The following TMEM272 variants were observed in gnomAD, a reference collection of about 807,000 sequenced individuals.
TMEM272 encodes the protein long intergenic non-protein coding RNA 282.
A neutral mutation model predicts 3.7 loss-of-function variants in TMEM272; 8 were observed. The ratio of observed to expected loss-of-function variants is 2.17; its 90% CI spans 1.27 to 3.91. The LOEUF is 3.91. TMEM272 is among the 30% of genes most tolerant of loss of function. The probability of loss-of-function intolerance (pLI) is 0.00; values close to 1 mark genes in which losing one functional copy is unlikely to be tolerated. For synonymous variants in TMEM272, 63 were observed against 39.8 expected, an observed-to-expected ratio of 1.58 and a Z score of -2.20; for missense variants, 166 against 91.5, an observed-to-expected ratio of 1.81 and a Z score of -3.32.
At chr13:51,932,970 G>A in the TMEM272 span, 10 of 152,182 alleles carry the variant, frequency 6.6e-5, no homozygotes, top group African/African-American at 1.7e-4. Context: ...CTGCGGGCTG[G>A]AGTGGGGGGG....
chr13:51,903,067 A>G, the TMEM272 span, among the ~76,000 whole-genome samples: 1 of 152,200 alleles, frequency 6.6e-6, no homozygotes, highest in African/African-American at 2.4e-5. Flanking sequence ...ATAATCTAGT[A>G]CCTAAATATA....
chr13:51,855,383 A>G, the TMEM272 span, among the ~76,000 whole-genome samples: 1 of 152,378 alleles, frequency 6.6e-6, no homozygotes, highest in East Asian at 1.9e-4. Context: ...CATGCTGAAG[A>G]GCCTCAGAAT....
chr13:51,829,812 C>T (rs975166231), intron 2 of TMEM272, among the ~76,000 whole-genome samples: 1 of 152,158 alleles, frequency 6.6e-6, no homozygotes, highest in Non-Finnish European at 1.5e-5. Flanking sequence ...ACCCCAAACT[C>T]TGCAGCTGTG....
chr13:51,905,057 T>C, the TMEM272 span, among the ~76,000 whole-genome samples: 697 of 152,300 alleles, frequency 4.6e-3, 5 homozygotes, highest in South Asian at 0.03. Context: ...AAAATATCTG[T>C]GGACATTACC....
chr13:51,880,793 T>TG, the TMEM272 span, among the ~76,000 whole-genome samples: 2 of 152,158 alleles, frequency 1.3e-5, no homozygotes, highest in Non-Finnish European at 2.9e-5. Context: ...AGCATCTAAC[T>TG]GCCAGCTATG....
At chr13:51,859,395 C>T in the TMEM272 span, among the ~76,000 whole-genome samples, 1 of 151,978 alleles carries the variant, frequency 6.6e-6, no homozygotes, top group African/African-American at 2.4e-5. Context: ...TCTCTCACCT[C>T]AGGCTGACTT....
chr13:51,873,521 A>G, the TMEM272 span, among the ~76,000 whole-genome samples: 1 of 152,220 alleles, frequency 6.6e-6, no homozygotes, highest in East Asian at 1.9e-4. Flanking sequence ...TTCATCATAC[A>G]TCGGAATCAA....
the TMEM272 span, among the ~76,000 whole-genome samples, chr13:51,857,761 T>C: frequency 6.6e-6 from 1 of 152,060 alleles, no homozygotes; most frequent in African/African-American, 2.4e-5. Flanking sequence ...GATTCAAATC[T>C]AATATAAATC....
the TMEM272 span, among the ~76,000 whole-genome samples, chr13:51,923,953 T>C: frequency 6.6e-6 from 1 of 152,306 alleles, no homozygotes; most frequent in East Asian, 1.9e-4. Flanking sequence ...TTGGCACCCC[T>C]CAGACGAAGC....
In TMEM272 at chr13:51,816,576, A is replaced by G. The variant is rs893493653; in HGVS notation, c.*175T>C. The G allele has an allele frequency of 3.7e-5, 21 of 569,116 alleles. No homozygotes were observed. Among genetic ancestry groups the G allele is most frequent in the Middle Eastern group, 9.4e-4 (2 of 2,138 alleles). 35.3% of individuals were successfully genotyped at this position (569,116 alleles called of 1,614,324 possible). A position where few individuals can be genotyped will look rare whatever the true frequency, so the allele number is the denominator to read the frequency against. On this transcript the variant is annotated 3_prime_UTR_variant, in exon 5 of 5. Coordinates refer to ENST00000629372, the MANE Select transcript of TMEM272 (RefSeq NM_001351003.2). Reference sequence around the variant, plus strand: ...AAGGCAAGAGTTTCTTTAGTCTGCTATTATATTCAGTGCCTTTGGGTGGCT... The same window carrying G: ...AAGGCAAGAGTTTCTTTAGTCTGCTGTTATATTCAGTGCCTTTGGGTGGCT...
the TMEM272 span, among the ~76,000 whole-genome samples, chr13:51,918,803 C>CTTTTTT: frequency 1.2e-3 from 97 of 81,032 alleles, no homozygotes; most frequent in African/African-American, 1.3e-3. Flanking sequence ...TTTTGAAATT[C>CTTTTTT]TTTTTTTTTT....
chr13:51,877,378 T>C, the TMEM272 span, among the ~76,000 whole-genome samples: 1 of 152,206 alleles, frequency 6.6e-6, no homozygotes, highest in Admixed American at 6.5e-5. Context: ...TTCAGCTCCT[T>C]GCACAGAGCC....
intron 2 of TMEM272, among the ~76,000 whole-genome samples, chr13:51,830,814 T>C (rs1956166650): frequency 6.6e-6 from 1 of 152,194 alleles, no homozygotes; most frequent in African/African-American, 2.4e-5. Context: ...CCTGGCCCTG[T>C]TCTCAGGCTG....
the TMEM272 span, among the ~76,000 whole-genome samples, chr13:51,918,197 C>A: frequency 6.6e-6 from 1 of 152,170 alleles, no homozygotes; most frequent in African/African-American, 2.4e-5. Flanking sequence ...ACTCCTAGTG[C>A]CAATTCCAGC....
the TMEM272 span, chr13:51,909,823 G>C: frequency 3.8e-6 from 6 of 1,588,486 alleles, no homozygotes; most frequent in African/African-American, 1.3e-5. Context: ...CGTTCAGTCA[G>C]AGTCTCGATG....
At chr13:51,906,789 G>T in the TMEM272 span, among the ~76,000 whole-genome samples, 1 of 152,174 alleles carries the variant, frequency 6.6e-6, no homozygotes, top group Admixed American at 6.5e-5. Flanking sequence ...CTCTCCTCTA[G>T]AAGTACAAAC....
chr13:51,881,365 T>TA, the TMEM272 span, among the ~76,000 whole-genome samples: 29 of 151,720 alleles, frequency 1.9e-4, no homozygotes, highest in South Asian at 6.3e-4. Context: ...ATAACTCTTT[T>TA]AAAAAAAATC....
chr13:51,865,452 G>A, the TMEM272 span: 3 of 1,613,990 alleles, frequency 1.9e-6, no homozygotes, highest in Admixed American at 3.3e-5. Flanking sequence ...GGGCTTGCCT[G>A]CTTCCGGTCC....
At chr13:51,897,510 G>C in the TMEM272 span, among the ~76,000 whole-genome samples, 1 of 151,374 alleles carries the variant, frequency 6.6e-6, no homozygotes, top group Non-Finnish European at 1.5e-5. Flanking sequence ...CACTGTGCCT[G>C]GCCAAAATTA....
Sources: gnomAD v4.1 joint callset for allele counts (sites outside exome capture counted in the v4.1 genomes callset) on GRCh38, gnomAD v4.1.1 for gene constraint, MANE v1.5 for transcripts, NCBI Gene and HGNC (gene_info 2026-07-23, HGNC 2026-07-21) for gene names.